The following USB1 variants were observed in gnomAD, a reference collection of about 807,000 sequenced individuals.
The protein encoded by USB1 is U6 snRNA biogenesis phosphodiesterase 1.
In USB1, 21 loss-of-function variants were observed where a neutral mutation model predicts 29.9. That is an observed-to-expected ratio of 0.70 (90% confidence interval 0.50 to 1.01). The LOEUF (loss-of-function observed/expected upper bound fraction) is 1.01, where lower values mean the gene tolerates loss of function less well. Ranked by LOEUF, USB1 falls within the 50% of genes least tolerant of loss-of-function variation. The pLI, the probability that USB1 is intolerant of heterozygous loss-of-function variation, is 0.00. For synonymous variants in USB1, 143 were observed against 134.9 expected (o/e 1.06, Z -0.42); for missense variants, 330 against 347.1 (o/e 0.95, Z 0.39).
At position 58,001,583 on chromosome 16, in the gene USB1, T is replaced by C; in HGVS notation, c.98+2T>C. On this transcript the variant is annotated splice_donor_variant, in intron 1 of 6. Transcript: ENST00000219281. LOFTEE classifies it high-confidence loss of function. ...GCCGGGGGATGGGAGCCACCGTCGGTGAGGAGTGAGGAAGTCTCTCCGGAG... is the reference window on the plus strand; with the variant it reads ...GCCGGGGGATGGGAGCCACCGTCGGCGAGGAGTGAGGAAGTCTCTCCGGAG... 6.3e-7 allele frequency: 1 copy of C among 1,599,608 alleles called. No homozygotes were observed. The highest frequency in any genetic ancestry group is 2.3e-5 in the East Asian group (1 of 44,354).
intron 3 of USB1, 33 bp from the exon 4 acceptor site, chr16:58,014,240 A>AT (rs748040682): frequency 1.3e-6 from 2 of 1,579,882 alleles, no homozygotes; most frequent in Admixed American, 3.4e-5. Context: ...TTTTCTTACG[A>AT]TTTTTCCTGA....
At position 58,020,443 on chromosome 16, in the gene USB1, C is replaced by T; in HGVS notation, c.*198C>T. The T allele has an allele frequency of 1.6e-6, 1 of 619,416 alleles. No homozygotes were observed. The highest frequency in any genetic ancestry group is 2.8e-5 in the East Asian group (1 of 35,926). 38.4% of individuals were successfully genotyped at this position (619,416 alleles called of 1,614,324 possible). A position where few individuals can be genotyped will look rare whatever the true frequency, so the allele number is the denominator to read the frequency against. ...CTCTCTTTCTCTTCCTCTTCTTTCTCTCTCTTCTCCTCTCTTTCTCTCCTC... is the reference window on the plus strand; with the variant it reads ...CTCTCTTTCTCTTCCTCTTCTTTCTTTCTCTTCTCCTCTCTTTCTCTCCTC... On this transcript the variant is annotated 3_prime_UTR_variant, in exon 7 of 7. Transcript: ENST00000219281.
At chr16:58,019,588 C>G (rs1341353907) in intron 6 of USB1, among the ~76,000 whole-genome samples, 1 of 152,150 alleles carries the variant, frequency 6.6e-6, no homozygotes, top group African/African-American at 2.4e-5. Flanking sequence ...TGGTAAGCGG[C>G]GGCTGATACT....
At chr16:58,008,773 A>G (rs1963423340) in intron 2 of USB1, among the ~76,000 whole-genome samples, 1 of 152,106 alleles carries the variant, frequency 6.6e-6, no homozygotes, top group Admixed American at 6.5e-5. Flanking sequence ...TTTCTAATAT[A>G]TGCATTTGAT....
At position 58,020,062 on chromosome 16, in the gene USB1, G is replaced by A. The variant is rs781610947; in HGVS notation, c.694-79G>A. ...CCTCGCCCAGCCTCTGAAGTTGGGT[G>A]AGCTGGTTTTGTTTGCAGTGCCCTG... On this transcript the variant is annotated intron_variant, in intron 6 of 6. Coordinates refer to ENST00000219281, the MANE Select transcript of USB1 (RefSeq NM_024598.4). 29 of 1,401,164 alleles carry A rather than the reference G, an allele frequency of 2.1e-5. No homozygotes were observed. In the African/African-American group the frequency reaches 3.5e-4, roughly 17 times the overall value. 86.8% of individuals were successfully genotyped at this position (1,401,164 alleles called of 1,614,324 possible). A position where few individuals can be genotyped will look rare whatever the true frequency, so the allele number is the denominator to read the frequency against.
In USB1 at chr16:58,017,456, C is replaced by T; in HGVS notation, c.609+17C>T. On this transcript the variant is annotated intron_variant, in intron 5 of 6. Coordinates refer to ENST00000219281, the MANE Select transcript of USB1 (RefSeq NM_024598.4). ...TTCTACCAGGTAATGAATGGGGCTGCTGCTTCTCCATTGACCCATTTCTAA... is the reference window on the plus strand; with the variant it reads ...TTCTACCAGGTAATGAATGGGGCTGTTGCTTCTCCATTGACCCATTTCTAA... 5 of 1,600,956 alleles carry T rather than the reference C, an allele frequency of 3.1e-6. No homozygotes were observed. Among genetic ancestry groups the T allele is most frequent in the Non-Finnish European group, 4.3e-6 (5 of 1,168,082 alleles).
intron 2 of USB1, among the ~76,000 whole-genome samples, chr16:58,004,516 G>A (rs554969833): frequency 1.2e-4 from 18 of 152,258 alleles, no homozygotes; most frequent in African/African-American, 3.9e-4. Context: ...CTGGGCTCAA[G>A]CAATCCTCTG....
rs138071183 is a variant in USB1, at chr16:58,014,336, C to G, written c.503+10C>G. ...ATCAAGAGAAAACCAGGTGGGTCCT[C>G]CCAACCCCCAATCACCATCAGAGGA... On this transcript the variant is annotated intron_variant, in intron 4 of 6. Transcript: ENST00000219281. 258 of 1,610,438 alleles carry G rather than the reference C, an allele frequency of 1.6e-4. No homozygotes were observed. The highest frequency in any genetic ancestry group is 2.1e-4 in the Non-Finnish European group (244 of 1,176,714).
chr16:58,002,910 C>T (rs1963263593), intron 2 of USB1, among the ~76,000 whole-genome samples: 1 of 152,208 alleles, frequency 6.6e-6, no homozygotes, highest in Non-Finnish European at 1.5e-5. Flanking sequence ...AAAGGAGAAT[C>T]TGGAGCAGGG....
chr16:58,013,423 T>C lies in USB1; in HGVS notation c.450-850T>C, dbSNP rs1963542597. The C allele has an allele frequency of 1.0e-6, 1 of 985,312 alleles. No homozygotes were observed. Among genetic ancestry groups the C allele is most frequent in the Non-Finnish European group, 1.2e-6 (1 of 829,960 alleles). 61.0% of individuals were successfully genotyped at this position (985,312 alleles called of 1,614,324 possible). ...TGAGGCTCTACCCAGCATGCTGGTA[T>C]ATTATGTTCCCTCAGATGGGGGTGA... On this transcript the variant is annotated intron_variant, in intron 3 of 6. Coordinates refer to ENST00000219281, the MANE Select transcript of USB1 (RefSeq NM_024598.4). The surrounding 1 kb of genome is among the most constrained non-coding windows in gnomAD (Gnocchi z 4.3).
intron 3 of USB1, chr16:58,010,830 A>C: frequency 3.4e-6 from 2 of 594,184 alleles, no homozygotes; most frequent in Non-Finnish European, 6.0e-6. Flanking sequence ...CTCCCAGCAC[A>C]TGGGTGCGTT....
intron 2 of USB1, among the ~76,000 whole-genome samples, chr16:58,009,227 A>G (rs562851921): frequency 2.6e-5 from 4 of 152,294 alleles, no homozygotes; most frequent in South Asian, 2.1e-4. Context: ...TTGGGTGTCA[A>G]TCTTTTGGTG....
Position 58,013,294 on chromosome 16 carries a change from TC to T in USB1, c.450-977del. 2.0e-6 allele frequency: 2 copies of T among 985,428 alleles called. No individual in the cohort carries two copies. Among genetic ancestry groups the T allele is most frequent in the Non-Finnish European group, 2.4e-6 (2 of 829,942 alleles). 61.0% of individuals were successfully genotyped at this position (985,428 alleles called of 1,614,324 possible). On this transcript the variant is annotated intron_variant, in intron 3 of 6. Transcript: ENST00000219281. This position sits in a 1 kb window ranked among gnomAD's most constrained non-coding sequence, Gnocchi z 4.3. Reference sequence around the variant, plus strand: ...GTTTGGGAGACACCTTGAGAACTCTTCCTAAAAGCTGCACTTAACCAAGCTC... The same window carrying T: ...GTTTGGGAGACACCTTGAGAACTCTTCTAAAAGCTGCACTTAACCAAGCTC...
upstream of USB1, chr16:58,000,315 G>T: frequency 6.6e-6 from 1 of 151,716 alleles, no homozygotes; most frequent in South Asian, 2.0e-4. This position sits in a 1 kb window ranked among gnomAD's most constrained non-coding sequence, Gnocchi z 4.5. Flanking sequence ...GGAGGGGCGC[G>T]GGGGGGCGGC....
chr16:58,012,082 C>G (rs1434670745), intron 3 of USB1: 2 of 1,321,710 alleles, frequency 1.5e-6, no homozygotes, highest in Non-Finnish European at 1.9e-6. Flanking sequence ...CCCATTCCCA[C>G]AGTTCAGGGG....
chr16:58,018,932 G>A (rs773200629), intron 5 of USB1, 40 bp from the exon 6 acceptor site: 6 of 1,606,922 alleles, frequency 3.7e-6, no homozygotes. Context: ...GGCCTGCCAA[G>A]GCGTCCGGGT....
intron 3 of USB1, chr16:58,011,881 G>C: frequency 1.0e-6 from 1 of 998,638 alleles, no homozygotes; most frequent in Non-Finnish European, 1.2e-6. Flanking sequence ...TCATGGTGCG[G>C]GAATGAGGGA....
chr16:58,015,129 G>C (rs1217988314), intron 4 of USB1: 1 of 151,702 alleles, frequency 6.6e-6, no homozygotes, highest in African/African-American at 2.4e-5. Context: ...ATAATGACTG[G>C]AGGAGCATGT....
chr16:58,005,564 GATT>G (rs1413102461), intron 2 of USB1, among the ~76,000 whole-genome samples: 3 of 151,960 alleles, frequency 2.0e-5, no homozygotes, highest in African/African-American at 7.3e-5. Context: ...ATAGAGCGAG[GATT>G]ATTATATATT....
Sources: gnomAD v4.1 joint callset for allele counts (sites outside exome capture counted in the v4.1 genomes callset) on GRCh38, gnomAD v4.1.1 for gene constraint, Gnocchi (gnomAD v3.1) non-coding constraint, MANE v1.5 for transcripts, NCBI Gene and HGNC (gene_info 2026-07-23, HGNC 2026-07-21) for gene names.